ITGAM: variants seen among roughly 807,000 people sequenced by gnomAD.
ITGAM encodes integrin subunit alpha M, also known as integrin alpha-M.
In ITGAM, 79 loss-of-function variants were observed where a neutral mutation model predicts 137.5. The observed-to-expected ratio is 0.57, with a 90% CI of 0.48 to 0.69. ITGAM has a LOEUF of 0.69. ITGAM is among the 30% of genes least tolerant of loss of function. The pLI is 0.00. For missense variants in ITGAM, 1,343 were observed against 1,483.5 expected (o/e 0.91, Z 1.56); for synonymous variants, 583 against 592.3 (o/e 0.98, Z 0.23).
intron 14 of ITGAM, among the ~76,000 whole-genome samples, chr16:31,310,099 C>G (rs1437297623): frequency 6.6e-6 from 1 of 151,028 alleles, no homozygotes; most frequent in South Asian, 2.1e-4. Context: ...TGTGGGTAAC[C>G]CAACCTTTCT....
chr16:31,311,490 T>G (rs1475437776), intron 14 of ITGAM, among the ~76,000 whole-genome samples: 2 of 152,190 alleles, frequency 1.3e-5, no homozygotes, highest in East Asian at 3.9e-4. Flanking sequence ...GAACAGACAC[T>G]TCTCAAAAGA....
chr16:31,270,932 A>G (rs1431984052), intron 5 of ITGAM, 22 bp from the exon 6 acceptor site: 2 of 1,439,292 alleles, frequency 1.4e-6, no homozygotes, highest in Non-Finnish European at 1.9e-6. Flanking sequence ...TACTTGATTC[A>G]TACTCTTTTC....
At chr16:31,303,188 A>AT (rs2080233303) in intron 14 of ITGAM, among the ~76,000 whole-genome samples, 1 of 151,084 alleles carries the variant, frequency 6.6e-6, no homozygotes, top group Non-Finnish European at 1.5e-5. Context: ...GTGCACCCCC[A>AT]CGCTTGGCTA....
intron 14 of ITGAM, among the ~76,000 whole-genome samples, chr16:31,314,821 GT>G (rs369241453): frequency 0.077 from 10,020 of 130,808 alleles, 1,119 homozygotes; most frequent in African/African-American, 0.27. Flanking sequence ...AGGAGGCAGG[GT>G]TTTTTTTTTT....
intron 14 of ITGAM, among the ~76,000 whole-genome samples, chr16:31,313,212 G>A (rs1213728412): frequency 1.3e-5 from 2 of 151,636 alleles, no homozygotes; most frequent in African/African-American, 4.8e-5. Flanking sequence ...GCGAGACTCC[G>A]TCTCAAAAAA....
chr16:31,302,917 CCTCTTTCTTT>C (rs754254380), intron 14 of ITGAM, among the ~76,000 whole-genome samples: 8 of 126,452 alleles, frequency 6.3e-5, no homozygotes, highest in African/African-American at 1.5e-4. Flanking sequence ...TCTTTCCCTC[CCTCTTTCTTT>C]CTTTCTTTCT....
chr16:31,331,267 C>T lies in ITGAM; in HGVS notation c.3379C>T (p.Leu1127=). The stretch of plus-strand genomic sequence containing the variant: ...GCTCCTGGCCCTCATCACCGCCGCG[C>T]TGTACAAGGTGCTCCCCGCTGCTCC... ...LLLLALITAA[L]YKLGFFKRQY... The change falls in exon 29 of 30, where the codon CTG becomes TTG. Residue 1127 remains leucine (L), a synonymous_variant. Coordinates refer to ENST00000544665, the MANE Select transcript of ITGAM (RefSeq NM_000632.4). 6.2e-7 allele frequency: 1 copy of T among 1,606,498 alleles called. No individual in the cohort carries two copies. The highest frequency in any genetic ancestry group is 8.5e-7 in the Non-Finnish European group (1 of 1,174,360).
intron 2 of ITGAM, among the ~76,000 whole-genome samples, chr16:31,262,357 T>A (rs752644477): frequency 0.015 from 1,877 of 123,734 alleles, 41 homozygotes; most frequent in Middle Eastern, 0.035. Flanking sequence ...CCTTCCTTCC[T>A]TCCTTCCTTC....
rs185012584 is a variant in ITGAM at position 31,277,514 on chromosome 16, A to C, written c.1214-453A>C. The stretch of plus-strand genomic sequence containing the variant: ...GCTGGAATTACAGGCATGTGCCACC[A>C]TGCCCAGCTAATTTTGTATTTTTAG... On this transcript the variant is annotated intron_variant, in intron 11 of 29. Transcript: ENST00000544665. Among the ~76,000 whole-genome samples the C allele has an allele frequency of 1.8e-3, 268 of 152,234 alleles. 1 individual carries two copies. The highest frequency in any genetic ancestry group is 3.5e-3 in the Non-Finnish European group (237 of 68,020).
At chr16:31,260,796 C>G (rs3948508) in intron 1 of ITGAM, among the ~76,000 whole-genome samples, 8,369 of 152,182 alleles carry the variant, frequency 0.055, 792 homozygotes, top group African/African-American at 0.19. Context: ...CGATATGGCC[C>G]ACGACCTGTT....
Position 31,271,908 on chromosome 16 carries a change from A to G in ITGAM, c.620A>G (p.Asn207Ser). The G allele has an allele frequency of 1.2e-6, 2 of 1,614,058 alleles. No individual in the cohort carries two copies. The highest frequency in any genetic ancestry group is 2.2e-5 in the South Asian group (2 of 91,092). The change falls in exon 7 of 30, where the codon AAC becomes AGC. Residue 207 changes from asparagine (N) to serine (S), a missense_variant. By Grantham distance (46) the Asn-to-Ser change is conservative. Coordinates refer to ENST00000544665, the MANE Select transcript of ITGAM (RefSeq NM_000632.4). The stretch of plus-strand genomic sequence containing the variant: ...CACTTTACCTTCAAAGAGTTCCAGA[A>G]CAACCCTAACCCAAGATCACTGGTG... ...RIHFTFKEFQNNPNPRSLVKP... is the reference protein window; with the variant it reads ...RIHFTFKEFQSNPNPRSLVKP...
intron 14 of ITGAM, among the ~76,000 whole-genome samples, chr16:31,310,750 C>T (rs2080319311): frequency 1.3e-5 from 2 of 152,154 alleles, no homozygotes; most frequent in Admixed American, 6.6e-5. Flanking sequence ...AGCTGCGTTC[C>T]TTTGTAGGAG....
intron 12 of ITGAM, among the ~76,000 whole-genome samples, chr16:31,278,981 T>C (rs1327422465): frequency 6.6e-6 from 1 of 152,186 alleles, no homozygotes; most frequent in East Asian, 1.9e-4. Flanking sequence ...AGTGAGAACA[T>C]GCAGTGTTTG....
At position 31,283,150 on chromosome 16, in the gene ITGAM, C is replaced by T. The variant is rs151060339; in HGVS notation, c.1356+5041C>T. Among the ~76,000 whole-genome samples the T allele has an allele frequency of 5.2e-4, 79 of 152,266 alleles. 2 individuals are homozygous for T. The East Asian group carries it at 0.015, about 28-fold the overall frequency. On this transcript the variant is annotated intron_variant, in intron 12 of 29. Transcript: ENST00000544665. The stretch of plus-strand genomic sequence containing the variant: ...GACCTTTCTCTCTGGCTGCCCTTAA[C>T]ATTTTTTCCTCCATTTCAACTTTGG...
chr16:31,271,026 G>C lies in ITGAM; in HGVS notation c.500G>C (p.Arg167Pro). ...GGTAGCATCATCCCACATGACTTTC[G>C]GCGGATGAAGGAGTTTGTCTCAACT... ...GSGSIIPHDF[R>P]RMKEFVSTVM... The change falls in exon 6 of 30, where the codon CGG (arginine) becomes CCG (proline). Residue 167 changes from arginine (R) to proline (P), a missense_variant. Coordinates refer to ENST00000544665, the MANE Select transcript of ITGAM (RefSeq NM_000632.4). 1 of 1,583,736 alleles carries C rather than the reference G, an allele frequency of 6.3e-7. No individual in the cohort carries two copies. The highest frequency in any genetic ancestry group is 8.6e-7 in the Non-Finnish European group (1 of 1,161,932).
At chr16:31,266,254 G>A in intron 5 of ITGAM, 107 bp downstream of exon 5, 1 of 733,732 alleles carries the variant, frequency 1.4e-6, no homozygotes, top group East Asian at 2.7e-5. Flanking sequence ...GCAGAAGAGT[G>A]GGGGAACTGG....
At chr16:31,274,835 G>A (rs2079889063) in intron 8 of ITGAM, among the ~76,000 whole-genome samples, 2 of 152,092 alleles carry the variant, frequency 1.3e-5, no homozygotes, top group Admixed American at 1.3e-4. Flanking sequence ...GGCCAGGTTG[G>A]TCTTGAACTC....
chr16:31,293,979 A>ATT (rs2080109952), intron 12 of ITGAM, among the ~76,000 whole-genome samples: 1 of 151,848 alleles, frequency 6.6e-6, no homozygotes, highest in South Asian at 2.1e-4. Flanking sequence ...ATTCCTAGTT[A>ATT]TTTTATTCTT....
In ITGAM at chr16:31,275,600, G is replaced by T. The variant is rs371133524; in HGVS notation, c.910G>T (p.Ala304Ser). The T allele has an allele frequency of 3.1e-6, 5 of 1,613,798 alleles. No individual in the cohort carries two copies. The highest frequency in any genetic ancestry group is 1.7e-5 in the Admixed American group (1 of 59,998). The change falls in exon 9 of 30, where the codon GCA becomes TCA. Residue 304 changes from alanine to serine, a missense_variant. Ala to Ser is a moderately conservative substitution (Grantham distance 99). Transcript: ENST00000544665. Reference sequence around the variant, plus strand: ...ATCCCGCCAAGAGCTTAATACCATCGCATCCAAGCCGCCTCGTGATCACGT... The same window carrying T: ...ATCCCGCCAAGAGCTTAATACCATCTCATCCAAGCCGCCTCGTGATCACGT... ...EKSRQELNTI[A>S]SKPPRDHVFQ...
Sources: allele counts gnomAD v4.1 joint callset (sites outside exome capture counted in the v4.1 genomes callset), GRCh38; gene constraint gnomAD v4.1.1; transcripts MANE v1.5; gene names NCBI Gene and HGNC (gene_info 2026-07-23, HGNC 2026-07-21).